The following L3MBTL3 variants were observed in gnomAD, a reference collection of about 807,000 sequenced individuals.
L3MBTL3 encodes the protein lethal(3)malignant brain tumor-like protein 3.
In L3MBTL3, 27 loss-of-function variants were observed where a neutral mutation model predicts 102.3. The ratio of observed to expected loss-of-function variants is 0.26; its 90% confidence interval spans 0.19 to 0.36. The LOEUF (loss-of-function observed/expected upper bound fraction) is 0.36, where lower values mean the gene tolerates loss of function less well. L3MBTL3 is among the 10% of genes least tolerant of loss of function. The pLI is 1.00. For missense variants in L3MBTL3, 798 were observed against 955.3 expected (o/e 0.84, Z 2.17); for synonymous variants, 340 against 320.9 (o/e 1.06, Z -0.64).
intron 7 of L3MBTL3, 109 bp from the exon 8 acceptor site, chr6:130,055,062 A>T: frequency 1.3e-6 from 1 of 796,408 alleles, no homozygotes; most frequent in Non-Finnish European, 2.2e-6. Flanking sequence ...GTTACAAAGT[A>T]AAACTGAAGA....
chr6:130,030,936 G>A (rs1779682093), intron 2 of L3MBTL3, among the ~76,000 whole-genome samples: 1 of 152,180 alleles, frequency 6.6e-6, no homozygotes. Context: ...AAGCATTGAA[G>A]AAATTATTGT....
Position 130,055,226 on chromosome 6 carries a change from G to A in L3MBTL3, c.638G>A (p.Arg213Lys), listed in dbSNP as rs768510188. Residue 213 changes from arginine to lysine, a missense_variant, in exon 8 of 23, where the codon AGA becomes AAA. Arg to Lys is a conservative substitution (Grantham distance 26). Transcript: ENST00000361794. ...GGTTCGCAGAGAGCACGGAGGAAAA[G>A]ACGAGGGGATTCGGCTGTACTAAAG... ...LRGSQRARRKRRGDSAVLKQG... is the reference protein window; with the variant it reads ...LRGSQRARRKKRGDSAVLKQG... The A allele has an allele frequency of 1.2e-6, 2 of 1,613,812 alleles. No homozygotes were observed. Among genetic ancestry groups the A allele is most frequent in the Non-Finnish European group, 1.7e-6 (2 of 1,179,816 alleles).
intron 22 of L3MBTL3, among the ~76,000 whole-genome samples, chr6:130,134,750 A>C (rs1302556357): frequency 1.3e-5 from 2 of 152,174 alleles, no homozygotes; most frequent in Non-Finnish European, 2.9e-5. Flanking sequence ...CGCATACACA[A>C]CTTGTTTGCC....
chr6:130,044,281 C>T (rs1008944216), intron 3 of L3MBTL3, among the ~76,000 whole-genome samples: 2 of 152,124 alleles, frequency 1.3e-5, no homozygotes, highest in African/African-American at 4.8e-5. Flanking sequence ...ATAGAGAACA[C>T]TTAACAAATT....
At position 130,057,616 on chromosome 6, in the gene L3MBTL3, T is replaced by C. The variant is rs1310461428; in HGVS notation, c.759+119T>C. ...GGATCATTTTCTCAGCATACAGTTT[T>C]CATGCGTGTGTTTATATGGAGGGCA... On this transcript the variant is annotated intron_variant, in intron 9 of 22. Transcript: ENST00000361794. 8.5e-6 allele frequency: 7 copies of C among 819,792 alleles called. No individual in the cohort carries two copies. The East Asian group carries it at 1.9e-4, about 22-fold the overall frequency. The allele number at this position is 819,792 out of a possible 1,614,324, so 50.8% of individuals were successfully genotyped here. A position where few individuals can be genotyped will look rare whatever the true frequency, so the allele number is the denominator to read the frequency against.
intron 14 of L3MBTL3, among the ~76,000 whole-genome samples, chr6:130,082,829 G>A (rs560175656): frequency 9.9e-5 from 15 of 152,172 alleles, no homozygotes; most frequent in Non-Finnish European, 1.8e-4. Flanking sequence ...GTCTATTTCT[G>A]TGTCTGTTTA....
rs181446427 is a variant in L3MBTL3, at chr6:130,112,481, T to A, written c.1886+7906T>A. Among the ~76,000 whole-genome samples the A allele has an allele frequency of 6.5e-4, 99 of 152,330 alleles. 1 individual carries two copies. Among genetic ancestry groups the A allele is most frequent in the Admixed American group, 3.0e-3 (46 of 15,296 alleles). On this transcript the variant is annotated intron_variant, in intron 19 of 22. Coordinates refer to ENST00000361794, the MANE Select transcript of L3MBTL3 (RefSeq NM_032438.4). ...AAATTCCCCAAAAACATACCTGCAC[T>A]CTCTCATTAATTAGAGTGGTATGTC...
intron 18 of L3MBTL3, among the ~76,000 whole-genome samples, chr6:130,099,056 C>T (rs907740411): frequency 6.6e-6 from 1 of 151,842 alleles, no homozygotes. Flanking sequence ...CATTGGAGAA[C>T]AGTGAATAAG....
At chr6:130,074,137 A>T (rs1782805614) in intron 13 of L3MBTL3, among the ~76,000 whole-genome samples, 1 of 152,194 alleles carries the variant, frequency 6.6e-6, no homozygotes, top group Non-Finnish European at 1.5e-5. Context: ...ATAGTTTGGA[A>T]ATGAGATATT....
At chr6:130,091,081 T>C (rs1784010989) in intron 16 of L3MBTL3, among the ~76,000 whole-genome samples, 1 of 152,156 alleles carries the variant, frequency 6.6e-6, no homozygotes, top group Non-Finnish European at 1.5e-5. Context: ...CTTGTAGGTC[T>C]TTCATTTTAT....
intron 1 of L3MBTL3, chr6:130,019,315 G>C (rs966036958): frequency 6.9e-6 from 1 of 145,776 alleles, no homozygotes; most frequent in East Asian, 2.0e-4. Flanking sequence ...CGCCGGCGGG[G>C]GGCGCGGGGG....
intron 1 of L3MBTL3, among the ~76,000 whole-genome samples, chr6:130,021,564 C>T (rs773718077): frequency 6.6e-6 from 1 of 152,306 alleles, no homozygotes; most frequent in African/African-American, 2.4e-5. Context: ...ATTAACGAGT[C>T]TCAGCTGATG....
chr6:130,041,318 G>A (rs972680745), intron 2 of L3MBTL3, among the ~76,000 whole-genome samples: 2 of 152,174 alleles, frequency 1.3e-5, no homozygotes, highest in South Asian at 2.1e-4. Context: ...GGCAGCCATC[G>A]ATGGTTGTTG....
intron 9 of L3MBTL3, among the ~76,000 whole-genome samples, chr6:130,059,172 CTTA>C (rs1486661664): frequency 6.6e-6 from 1 of 152,144 alleles, no homozygotes; most frequent in Non-Finnish European, 1.5e-5. Flanking sequence ...AAGAATGTCT[CTTA>C]TAGCCCTGCC....
At chr6:130,030,696 A>ATTTAAACCC (rs1779665946) in intron 2 of L3MBTL3, among the ~76,000 whole-genome samples, 1 of 140,584 alleles carries the variant, frequency 7.1e-6, no homozygotes. Context: ...AAAAAAAAAG[A>ATTTAAACCC]TTTAAACCCA....
chr6:130,107,812 G>A (rs1223462617), intron 19 of L3MBTL3, among the ~76,000 whole-genome samples: 1 of 152,162 alleles, frequency 6.6e-6, no homozygotes, highest in African/African-American at 2.4e-5. Context: ...AACTCTCTTA[G>A]GGGTTTTTTT....
At chr6:130,031,001 A>G (rs1276583802) in intron 2 of L3MBTL3, among the ~76,000 whole-genome samples, 1 of 152,108 alleles carries the variant, frequency 6.6e-6, no homozygotes, top group Non-Finnish European at 1.5e-5. Flanking sequence ...GCTTTGTATG[A>G]TTACCCCATG....
At chr6:130,094,167 G>C (rs1784216086) in intron 17 of L3MBTL3, 98 bp from the exon 18 acceptor site, 1 of 815,298 alleles carries the variant, frequency 1.2e-6, no homozygotes, top group Admixed American at 3.0e-5. Flanking sequence ...GGATTTTTAG[G>C]GAGTCTTTTT....
chr6:130,139,440 A>G (rs1582682463), intron 22 of L3MBTL3, among the ~76,000 whole-genome samples, 170 bp from the exon 23 acceptor site: 1 of 152,162 alleles, frequency 6.6e-6, no homozygotes, highest in Non-Finnish European at 1.5e-5. Context: ...GGGATGTGTC[A>G]TTGTGGATAA....
Sources: gnomAD v4.1 joint callset for allele counts (sites outside exome capture counted in the v4.1 genomes callset) on GRCh38, gnomAD v4.1.1 for gene constraint, MANE v1.5 for transcripts, NCBI Gene and HGNC (gene_info 2026-07-23, HGNC 2026-07-21) for gene names.